EPS15: variants seen among roughly 807,000 people sequenced by gnomAD.
EPS15 encodes the protein epidermal growth factor receptor substrate 15.
In EPS15, 72 loss-of-function variants were observed where a neutral mutation model predicts 113.8. The observed-to-expected ratio is 0.63, with a 90% CI of 0.52 to 0.77. The LOEUF (loss-of-function observed/expected upper bound fraction) is 0.77. EPS15 is among the 30% of genes least tolerant of loss of function. The probability of loss-of-function intolerance (pLI) is 0.00; values close to 1 mark genes in which losing one functional copy is unlikely to be tolerated. For synonymous variants in EPS15, 344 were observed against 363.4 expected, an observed-to-expected ratio of 0.95 and a Z score of 0.61; for missense variants, 1,048 against 1,045.8, an observed-to-expected ratio of 1.00 and a Z score of -0.03.
intron 2 of EPS15, 53 bp from the exon 3 acceptor site, chr1:51,473,001 T>C (rs1655350826): frequency 2.9e-6 from 4 of 1,374,272 alleles, no homozygotes; most frequent in South Asian, 2.3e-5. Context: ...GGCAAAATTA[T>C]CACCATTTAC....
intron 2 of EPS15, among the ~76,000 whole-genome samples, chr1:51,480,582 T>C (rs1644002946): frequency 6.6e-6 from 1 of 152,238 alleles, no homozygotes; most frequent in Non-Finnish European, 1.5e-5. Context: ...TGGCACGATC[T>C]TGGCTCACTG....
At chr1:51,467,709 G>C (rs1399319532) in intron 5 of EPS15, among the ~76,000 whole-genome samples, 1 of 152,124 alleles carries the variant, frequency 6.6e-6, no homozygotes, top group Non-Finnish European at 1.5e-5. Flanking sequence ...TGCCAGATCA[G>C]CGGTGGCATT....
At chr1:51,500,425 A>G (rs1025444145) in intron 1 of EPS15, among the ~76,000 whole-genome samples, 3 of 152,184 alleles carry the variant, frequency 2.0e-5, no homozygotes, top group Non-Finnish European at 4.4e-5. Flanking sequence ...CATCAGTAGT[A>G]CATTTCTCCA....
chr1:51,490,030 A>G (rs990406328), intron 1 of EPS15, among the ~76,000 whole-genome samples: 3 of 152,240 alleles, frequency 2.0e-5, no homozygotes, highest in Non-Finnish European at 4.4e-5. Context: ...ATGTTAACAC[A>G]TAAGTAAATC....
chr1:51,428,737 G>C (rs1287190140), intron 12 of EPS15, among the ~76,000 whole-genome samples: 2 of 144,094 alleles, frequency 1.4e-5, no homozygotes, highest in Non-Finnish European at 3.0e-5. Context: ...TGAGGCAGGA[G>C]AATCACTTGA....
At chr1:51,394,147 T>C in intron 21 of EPS15, 1 of 315,748 alleles carries the variant, frequency 3.2e-6, no homozygotes, top group East Asian at 5.4e-5. Flanking sequence ...GGTTTACTGA[T>C]ACTGGGTAGA....
chr1:51,365,930 T>C, intron 22 of EPS15, 23 bp downstream of exon 22: 2 of 1,502,574 alleles, frequency 1.3e-6, no homozygotes, highest in Non-Finnish European at 1.8e-6. Flanking sequence ...TGTTTTCCCT[T>C]CCCATTAATT....
intron 3 of EPS15, among the ~76,000 whole-genome samples, 171 bp downstream of exon 3, chr1:51,472,688 A>G (rs1655326015): frequency 6.6e-6 from 1 of 152,230 alleles, no homozygotes; most frequent in African/African-American, 2.4e-5. Context: ...ACTTTTCAAG[A>G]GGGTAAATCA....
intron 1 of EPS15, among the ~76,000 whole-genome samples, chr1:51,502,479 G>C (rs1473523577): frequency 6.6e-6 from 1 of 151,982 alleles, no homozygotes; most frequent in African/African-American, 2.4e-5. Flanking sequence ...TTATTATACT[G>C]GAGGTTCTAA....
chr1:51,493,622 T>G (rs1423024092), intron 1 of EPS15, among the ~76,000 whole-genome samples: 1 of 151,168 alleles, frequency 6.6e-6, no homozygotes, highest in African/African-American at 2.4e-5. Flanking sequence ...TTTCTTTTTT[T>G]GGGGGGTGGA....
At chr1:51,486,781 T>C (rs1320280382) in intron 1 of EPS15, among the ~76,000 whole-genome samples, 1 of 151,980 alleles carries the variant, frequency 6.6e-6, no homozygotes, top group Non-Finnish European at 1.5e-5. Context: ...CAGGGTCAAG[T>C]GATTCTCCTC....
intron 12 of EPS15, among the ~76,000 whole-genome samples, chr1:51,437,480 T>TA (rs1553126791): frequency 1.5e-3 from 215 of 143,894 alleles, no homozygotes; most frequent in African/African-American, 4.8e-3. Context: ...ATCCCTGGAC[T>TA]AAAAAAAAAA....
chr1:51,407,910 G>T (rs1649283090), intron 15 of EPS15, among the ~76,000 whole-genome samples: 1 of 152,100 alleles, frequency 6.6e-6, no homozygotes, highest in Non-Finnish European at 1.5e-5. Context: ...TAGCCACAAA[G>T]CCCACACTCT....
intron 1 of EPS15, among the ~76,000 whole-genome samples, chr1:51,495,351 T>A (rs902944986): frequency 5.3e-5 from 8 of 151,232 alleles, no homozygotes; most frequent in Admixed American, 1.3e-4. Context: ...ATTTTTATTT[T>A]TATTTTTTTT....
chr1:51,446,856 GA>G, intron 10 of EPS15, 103 bp downstream of exon 10: 1 of 964,456 alleles, frequency 1.0e-6, no homozygotes, highest in Admixed American at 2.8e-5. Context: ...AAAAAATTCT[GA>G]AACAAAAACT....
intron 24 of EPS15, among the ~76,000 whole-genome samples, chr1:51,358,558 T>A (rs896508649): frequency 2.6e-5 from 4 of 152,178 alleles, no homozygotes; most frequent in African/African-American, 9.7e-5. Context: ...AAGCAAAACT[T>A]TGAAACGTGT....
intron 13 of EPS15, among the ~76,000 whole-genome samples, chr1:51,413,636 T>C (rs1649948415): frequency 6.6e-6 from 1 of 152,222 alleles, no homozygotes; most frequent in African/African-American, 2.4e-5. Context: ...AAATAATACC[T>C]ACATTTCTAA....
At chr1:51,518,842 G>A (rs570216107) in intron 1 of EPS15, among the ~76,000 whole-genome samples, 1 of 151,934 alleles carries the variant, frequency 6.6e-6, no homozygotes, top group South Asian at 2.1e-4. Context: ...GCGGCCCTGT[G>A]GGAGGAAACT....
intron 12 of EPS15, chr1:51,423,376 C>CA (rs1650944861): frequency 7.3e-6 from 8 of 1,090,050 alleles, no homozygotes; most frequent in Non-Finnish European, 9.1e-6. Flanking sequence ...TCAAGAAATA[C>CA]AAAAACACGG....
Sources: gnomAD v4.1 joint callset for allele counts (sites outside exome capture counted in the v4.1 genomes callset) on GRCh38, gnomAD v4.1.1 for gene constraint, MANE v1.5 for transcripts, NCBI Gene and HGNC (gene_info 2026-07-23, HGNC 2026-07-21) for gene names.